The following NPHP1 variants were observed in gnomAD, a reference collection of about 807,000 sequenced individuals.
The protein encoded by NPHP1 is nephrocystin 1.
In NPHP1, 70 loss-of-function variants were observed where a neutral mutation model predicts 90.4. The observed-to-expected ratio is 0.77, with a 90% CI of 0.64 to 0.95. The LOEUF is 0.95. Ranked by LOEUF, NPHP1 falls within the 40% of genes least tolerant of loss-of-function variation. The pLI is 0.00. For synonymous variants in NPHP1, 256 were observed against 271.7 expected, an observed-to-expected ratio of 0.94 and a Z score of 0.57; for missense variants, 764 against 795.9, an observed-to-expected ratio of 0.96 and a Z score of 0.48.
At chr2:110,194,279 AAG>A (rs1684979592) in intron 2 of NPHP1, among the ~76,000 whole-genome samples, 1 of 152,122 alleles carries the variant, frequency 6.6e-6, no homozygotes, top group Non-Finnish European at 1.5e-5. Flanking sequence ...TAAAGAAGAA[AAG>A]AGAGAAGAAT....
intron 5 of NPHP1, 86 bp from the exon 6 acceptor site, chr2:110,168,639 G>GA: frequency 1.1e-6 from 1 of 916,702 alleles, no homozygotes; most frequent in Non-Finnish European, 1.8e-6. Context: ...AATATGTGCT[G>GA]AAAAAAAGGC....
rs1450227235 is a variant in NPHP1, at chr2:110,125,309, T to C, written c.1761+328A>G. 16 of 1,534,774 alleles carry C rather than the reference T, an allele frequency of 1.0e-5. 1 individual carries two copies. The East Asian group carries it at 3.7e-4, about 35-fold the overall frequency. ...ATTTTTTTTTCCCTTCTCTTGGTGA[T>C]ACAGGCTTTGAGAGCTAGAGAAGTT... On this transcript the variant is annotated intron_variant, in intron 19 of 19. Coordinates refer to ENST00000445609, the MANE Select transcript of NPHP1 (RefSeq NM_001128178.3).
chr2:110,172,939 T>C (rs2104589967), intron 4 of NPHP1, among the ~76,000 whole-genome samples: 1 of 151,826 alleles, frequency 6.6e-6, no homozygotes, highest in South Asian at 2.1e-4. Context: ...AAACATGTAG[T>C]AATTTCTTTT....
intron 1 of NPHP1, among the ~76,000 whole-genome samples, 162 bp downstream of exon 1, chr2:110,204,738 G>A (rs1247979560): frequency 6.6e-6 from 1 of 151,826 alleles, no homozygotes; most frequent in Non-Finnish European, 1.5e-5. Flanking sequence ...TCGGGGTTGG[G>A]TGCTGGAATG....
intron 14 of NPHP1, among the ~76,000 whole-genome samples, chr2:110,146,486 T>C (rs1201267394): frequency 6.6e-6 from 1 of 152,092 alleles, no homozygotes; most frequent in African/African-American, 2.4e-5. Context: ...GTTAATACCA[T>C]AGGAAATTAC....
chr2:110,204,008 C>G (rs1440926895), intron 1 of NPHP1, among the ~76,000 whole-genome samples: 1 of 152,006 alleles, frequency 6.6e-6, no homozygotes, highest in South Asian at 2.1e-4. Flanking sequence ...ACAGAAATAC[C>G]ATATTAGCCT....
chr2:110,131,947 G>T (rs1028715186), intron 16 of NPHP1, among the ~76,000 whole-genome samples, 156 bp from the exon 17 acceptor site: 21 of 152,074 alleles, frequency 1.4e-4, no homozygotes, highest in Admixed American at 2.6e-4. Flanking sequence ...CTACAAGTAG[G>T]CCACATTAAA....
chr2:110,201,638 C>CCCGCTA, intron 1 of NPHP1, 144 bp from the exon 2 acceptor site: 1 of 635,528 alleles, frequency 1.6e-6, no homozygotes, highest in Non-Finnish European at 2.7e-6. Context: ...AACCCATATA[C>CCCGCTA]CCGCTACCTA....
At position 110,178,467 on chromosome 2, in the gene NPHP1, T is replaced by C. The variant is rs746591183; in HGVS notation, c.285A>G (p.Gln95=). ...EHTLLDKLTQ[Q]LQGLAVTISR... is the part of the protein sequence containing the mutation. ...TTATTGTCACAGCAAGGCCCTGCAG[T>C]TGTTGGGTAAGCTTGTCCAAAAGAG... is the stretch of plus-strand genomic sequence containing the variant. The change falls in exon 4 of 20, where the codon CAA becomes CAG. Residue 95 remains glutamine, a synonymous_variant. Transcript: ENST00000445609. The C allele has an allele frequency of 1.2e-6, 2 of 1,613,798 alleles. No individual in the cohort carries two copies. Among genetic ancestry groups the C allele is most frequent in the Admixed American group, 1.7e-5 (1 of 60,008 alleles).
At chr2:110,166,061 C>T (rs550947030) in intron 6 of NPHP1, among the ~76,000 whole-genome samples, 1 of 152,106 alleles carries the variant, frequency 6.6e-6, no homozygotes, top group Admixed American at 6.5e-5. Flanking sequence ...ACTTTTTTTG[C>T]TGGTCATATT....
chr2:110,162,809 G>A (rs1455696390), intron 9 of NPHP1, among the ~76,000 whole-genome samples: 1 of 152,038 alleles, frequency 6.6e-6, no homozygotes, highest in Non-Finnish European at 1.5e-5. Flanking sequence ...AATTAAAGGA[G>A]TCACATTTTT....
rs1163758881 is a variant in NPHP1, at chr2:110,123,350, C to T, written c.*441G>A. On this transcript the variant is annotated 3_prime_UTR_variant, in exon 20 of 20. Coordinates refer to ENST00000445609, the MANE Select transcript of NPHP1 (RefSeq NM_001128178.3). ...AAATGGATCACTTTAACTTCCTCTT[C>T]ATTGAACAAGATAAATTTTATTAAC... The T allele has an allele frequency of 6.1e-6, 1 of 164,574 alleles. No individual in the cohort carries two copies. Among genetic ancestry groups the T allele is most frequent in the Non-Finnish European group, 1.3e-5 (1 of 75,776 alleles). 10.2% of individuals were successfully genotyped at this position (164,574 alleles called of 1,614,324 possible).
intron 10 of NPHP1, 83 bp from the exon 11 acceptor site, chr2:110,160,338 A>G (rs1209544464): frequency 2.7e-6 from 3 of 1,131,660 alleles, no homozygotes; most frequent in Non-Finnish European, 3.9e-6. Flanking sequence ...GCTTATGAAA[A>G]TGTATACAGA....
At chr2:110,165,281 AAC>A in intron 6 of NPHP1, 126 bp from the exon 7 acceptor site, 1 of 753,398 alleles carries the variant, frequency 1.3e-6, no homozygotes, top group South Asian at 1.5e-5. Flanking sequence ...AAAACAAAAA[AAC>A]AAAAGCATCA....
intron 16 of NPHP1, among the ~76,000 whole-genome samples, chr2:110,138,672 C>G (rs114137273): frequency 0.013 from 2,025 of 152,148 alleles, 48 homozygotes; most frequent in African/African-American, 0.046. Flanking sequence ...GAACAACATG[C>G]TCATGTTCTG....
At chr2:110,153,042 C>A (rs990709357) in intron 11 of NPHP1, among the ~76,000 whole-genome samples, 1 of 151,894 alleles carries the variant, frequency 6.6e-6, no homozygotes, top group African/African-American at 2.4e-5. Context: ...TGAAACACAA[C>A]GAAAATACCT....
chr2:110,149,163 T>C (rs1237522616), intron 12 of NPHP1, among the ~76,000 whole-genome samples: 1 of 152,194 alleles, frequency 6.6e-6, no homozygotes, highest in Non-Finnish European at 1.5e-5. Flanking sequence ...ATTCTTCATG[T>C]ATGTATTTTC....
intron 11 of NPHP1, among the ~76,000 whole-genome samples, chr2:110,158,149 TG>T (rs1169722618): frequency 6.6e-6 from 1 of 152,180 alleles, no homozygotes; most frequent in Non-Finnish European, 1.5e-5. Context: ...TTTAATTCCA[TG>T]TAATCAAGGA....
At chr2:110,193,305 G>C (rs1463570784) in intron 2 of NPHP1, among the ~76,000 whole-genome samples, 1 of 152,112 alleles carries the variant, frequency 6.6e-6, no homozygotes, top group Non-Finnish European at 1.5e-5. Flanking sequence ...TAAAGGGATG[G>C]AGGAAGATCT....
Sources: gnomAD v4.1 joint callset for allele counts (sites outside exome capture counted in the v4.1 genomes callset) on GRCh38, gnomAD v4.1.1 for gene constraint, MANE v1.5 for transcripts, NCBI Gene and HGNC (gene_info 2026-07-23, HGNC 2026-07-21) for gene names.